The following CYTH1 variants were observed in gnomAD, a reference collection of about 807,000 sequenced individuals.
CYTH1 encodes cytohesin-1.
CYTH1 carries 18 observed loss-of-function variants against 61.8 expected under a neutral mutation model. The ratio of observed to expected loss-of-function variants is 0.29; its 90% CI spans 0.20 to 0.43. The LOEUF (loss-of-function observed/expected upper bound fraction) is 0.43. CYTH1 is among the 20% of genes least tolerant of loss of function. CYTH1 has a pLI of 1.00. For missense variants in CYTH1, 336 were observed against 510.5 expected (o/e 0.66, Z 3.29); for synonymous variants, 174 against 184.3 (o/e 0.94, Z 0.45).
At chr17:78,751,557 C>A (rs2093380508) in intron 1 of CYTH1, among the ~76,000 whole-genome samples, 1 of 152,118 alleles carries the variant, frequency 6.6e-6, no homozygotes, top group Non-Finnish European at 1.5e-5. Flanking sequence ...AAATCAGTCA[C>A]CTTGTTTCAC....
chr17:78,714,936 G>A (rs1567854906), intron 1 of CYTH1, among the ~76,000 whole-genome samples: 2 of 151,908 alleles, frequency 1.3e-5, no homozygotes, highest in South Asian at 2.1e-4. Context: ...AAAAGAATAC[G>A]GCCTTGCAAA....
chr17:78,703,170 T>A (rs1424298525), intron 3 of CYTH1, among the ~76,000 whole-genome samples: 1 of 151,318 alleles, frequency 6.6e-6, no homozygotes, highest in Non-Finnish European at 1.5e-5. Flanking sequence ...TCCCAGCACT[T>A]TGGGAGGCCG....
intron 9 of CYTH1, 101 bp downstream of exon 9, chr17:78,698,168 A>AACACGCAC: frequency 5.1e-6 from 5 of 983,544 alleles, no homozygotes; most frequent in Non-Finnish European, 8.0e-6. Flanking sequence ...CACACGCACA[A>AACACGCAC]ACACGCACAC....
At position 78,692,433 on chromosome 17, in the gene CYTH1, T is replaced by C. The variant is rs2092897733; in HGVS notation, c.875A>G (p.Tyr292Cys). Residue 292 changes from tyrosine to cysteine, a missense_variant, in exon 11 of 14, where the codon TAC (tyrosine) becomes TGC (cysteine). This residue lies in a region of CYTH1 where 16 missense variants were observed against 57.9 expected (regional missense o/e 0.28). Coordinates refer to ENST00000446868, the MANE Select transcript of CYTH1 (RefSeq NM_004762.6). ...GGTGCTCACCGTGGTATACTCAAAG[T>C]AGTAAAGGCAGTTGTCAGTCAGAAT... ...WFILTDNCLYYFEYTTDKEPR... is the reference protein window; with the variant it reads ...WFILTDNCLYCFEYTTDKEPR... 2 of 1,613,954 alleles carry C rather than the reference T, an allele frequency of 1.2e-6. No homozygotes were observed. The highest frequency in any genetic ancestry group is 1.7e-6 in the Non-Finnish European group (2 of 1,179,972).
At chr17:78,708,691 C>A (rs1325035792) in intron 2 of CYTH1, among the ~76,000 whole-genome samples, 1 of 152,242 alleles carries the variant, frequency 6.6e-6, no homozygotes, top group Non-Finnish European at 1.5e-5. Flanking sequence ...GCCAGGGCAA[C>A]AATGCCACCA....
intron 1 of CYTH1, among the ~76,000 whole-genome samples, chr17:78,738,675 C>T (rs981385772): frequency 6.6e-6 from 1 of 151,806 alleles, no homozygotes; most frequent in African/African-American, 2.4e-5. Context: ...ATAAACCCAA[C>T]GTGTCACCTT....
At chr17:78,711,261 C>CAAAT (rs547065237) in intron 1 of CYTH1, among the ~76,000 whole-genome samples, 8,868 of 141,290 alleles carry the variant, frequency 0.063, 355 homozygotes, top group Middle Eastern at 0.085. Context: ...GACTCCATCT[C>CAAAT]AAATAAATAA....
chr17:78,772,890 C>T (rs2144760644), intron 1 of CYTH1, among the ~76,000 whole-genome samples: 1 of 152,046 alleles, frequency 6.6e-6, no homozygotes, highest in South Asian at 2.1e-4. Flanking sequence ...AGTACAGTGG[C>T]ACGATCTCAG....
intron 11 of CYTH1, among the ~76,000 whole-genome samples, chr17:78,686,542 G>C (rs893618134): frequency 1.3e-5 from 2 of 152,110 alleles, no homozygotes; most frequent in African/African-American, 2.4e-5. Flanking sequence ...ATGCAGTCTC[G>C]TAGAGAATGG....
At chr17:78,725,056 C>T (rs1472096339) in intron 1 of CYTH1, among the ~76,000 whole-genome samples, 1 of 152,164 alleles carries the variant, frequency 6.6e-6, no homozygotes, top group Non-Finnish European at 1.5e-5. Flanking sequence ...CCCTGTCTTC[C>T]TCCTTCTCAC....
chr17:78,703,878 A>C (rs992775164), intron 3 of CYTH1, among the ~76,000 whole-genome samples: 14 of 152,354 alleles, frequency 9.2e-5, no homozygotes, highest in African/African-American at 3.1e-4. Flanking sequence ...ATTATGCAGA[A>C]GGCTGCTATC....
intron 1 of CYTH1, 114 bp downstream of exon 1, chr17:78,782,088 C>A: frequency 2.0e-6 from 2 of 975,984 alleles, no homozygotes; most frequent in South Asian, 4.5e-5. Context: ...GGCTCCGCGT[C>A]CCGCACCAGT....
chr17:78,720,622 C>A (rs1400540335), intron 1 of CYTH1, among the ~76,000 whole-genome samples: 1 of 152,234 alleles, frequency 6.6e-6, no homozygotes, highest in African/African-American at 2.4e-5. Flanking sequence ...CCCAGCCATC[C>A]CCAGCACTTT....
At chr17:78,698,210 C>T in intron 9 of CYTH1, 59 bp downstream of exon 9, 1 of 1,417,126 alleles carries the variant, frequency 7.1e-7, no homozygotes, top group Non-Finnish European at 1.0e-6. Context: ...CACACGCACA[C>T]ACACCGCCTT....
intron 1 of CYTH1, among the ~76,000 whole-genome samples, chr17:78,715,422 C>T (rs924077539): frequency 2.0e-5 from 3 of 152,122 alleles, no homozygotes; most frequent in African/African-American, 4.8e-5. Context: ...GATCAAGGAA[C>T]GGGACTGACT....
chr17:78,739,437 G>A (rs142297849), intron 1 of CYTH1, among the ~76,000 whole-genome samples: 116 of 152,344 alleles, frequency 7.6e-4, no homozygotes, highest in African/African-American at 2.5e-3. Context: ...GTGGAGTGGG[G>A]GAAGTGGAAG....
chr17:78,712,802 A>T (rs1359836039), intron 1 of CYTH1, among the ~76,000 whole-genome samples: 1 of 152,160 alleles, frequency 6.6e-6, no homozygotes, highest in African/African-American at 2.4e-5. Flanking sequence ...CACTCTAAAG[A>T]TCCCAACAGA....
intron 1 of CYTH1, among the ~76,000 whole-genome samples, chr17:78,736,465 C>T (rs2093320605): frequency 6.6e-6 from 1 of 152,090 alleles, no homozygotes; most frequent in South Asian, 2.1e-4. Flanking sequence ...CACACACACA[C>T]ACCCGAGAGA....
At chr17:78,776,065 G>A (rs1300674688) in intron 1 of CYTH1, among the ~76,000 whole-genome samples, 1 of 152,170 alleles carries the variant, frequency 6.6e-6, no homozygotes. Context: ...TGAGACAGGA[G>A]AATCACTTGA....
Sources: gnomAD v4.1 joint callset for allele counts (sites outside exome capture counted in the v4.1 genomes callset) on GRCh38, gnomAD v4.1.1 for gene constraint, gnomAD v4.1.1 regional missense constraint, MANE v1.5 for transcripts, NCBI Gene and HGNC (gene_info 2026-07-23, HGNC 2026-07-21) for gene names.